AKT1S1: variants seen among roughly 807,000 people sequenced by gnomAD.
AKT1S1 encodes the protein proline-rich AKT1 substrate 1.
In AKT1S1, 17 loss-of-function variants were observed where a neutral mutation model predicts 21.2. The ratio of observed to expected loss-of-function variants is 0.80; its 90% CI spans 0.55 to 1.20. The LOEUF is 1.20. Among genes scored for constraint, AKT1S1 ranks in the 50% most tolerant of loss-of-function variants. The pLI, the probability that AKT1S1 is intolerant of heterozygous loss-of-function variation, is 0.00. For missense variants in AKT1S1, 366 were observed against 368.3 expected (o/e 0.99, Z 0.05); for synonymous variants, 181 against 165.6 (o/e 1.09, Z -0.72).
chr19:49,871,840 G>C lies in AKT1S1; in HGVS notation c.429C>G (p.Phe143Leu). ...CTGTACTCTCGGGGTCTGACTCACA[G>C]AAGGGGGGAAGGTCCTGGAGGGTGG... The part of the protein sequence containing the change: ...EDATLQDLPP[F>L]CESDPESTDD... Residue 143 changes from phenylalanine (F) to leucine (L), a missense_variant, in exon 3 of 5, where the codon TTC becomes TTG. Transcript: ENST00000344175. The C allele has an allele frequency of 6.2e-7, 1 of 1,611,472 alleles. No individual in the cohort carries two copies. The highest frequency in any genetic ancestry group is 8.5e-7 in the Non-Finnish European group (1 of 1,179,276).
chr19:49,870,157 C>T (rs1037968637), intron 4 of AKT1S1, 97 bp from the exon 5 acceptor site: 53 of 1,291,814 alleles, frequency 4.1e-5, no homozygotes, highest in Non-Finnish European at 5.1e-5. Context: ...AAGCCCACTT[C>T]TAGCACGTCC....
At position 49,870,948 on chromosome 19, in the gene AKT1S1, G is replaced by T. The variant is rs1600429520; in HGVS notation, c.627+599C>A. ...GACACTGAGGCTTGAGGGGGGGACT[G>T]TGGGGACCCAGGCCTCCTCCCTCAA... On this transcript the variant is annotated intron_variant, in intron 4 of 4. Transcript: ENST00000344175. Among the ~76,000 whole-genome samples, 8 of 152,284 alleles carry T rather than the reference G, an allele frequency of 5.3e-5. 1 individual carries two copies. The South Asian group carries it at 1.7e-3, about 32-fold the overall frequency.
upstream of AKT1S1, chr19:49,877,845 G>T: frequency 7.1e-7 from 1 of 1,410,504 alleles, no homozygotes; most frequent in Non-Finnish European, 9.7e-7. Context: ...ATCCGGCACG[G>T]CCTTGGCAAA....
chr19:49,874,203 C>CA (rs1446207897), intron 1 of AKT1S1: 2 of 152,374 alleles, frequency 1.3e-5, no homozygotes, highest in Non-Finnish European at 2.9e-5. Flanking sequence ...TTCCCTCGCC[C>CA]ATAGATCCAG....
intron 2 of AKT1S1, among the ~76,000 whole-genome samples, chr19:49,872,673 GCT>G (rs1342447431): frequency 6.6e-6 from 1 of 152,276 alleles, no homozygotes; most frequent in South Asian, 2.1e-4. Context: ...GCCCGAGCCT[GCT>G]CTGTGTCCTT....
intron 1 of AKT1S1, chr19:49,876,708 T>C (rs1600438085): frequency 2.1e-6 from 3 of 1,417,282 alleles, no homozygotes; most frequent in Middle Eastern, 1.8e-4. Context: ...CTCCGCACAC[T>C]CCGCCTCCCT....
chr19:49,877,673 C>A (rs757557410), upstream of AKT1S1: 1 of 1,585,468 alleles, frequency 6.3e-7, no homozygotes, highest in South Asian at 1.1e-5. Context: ...AGTGACAACA[C>A]GCTGACTAGG....
chr19:49,877,208 T>C (rs1486710047), intron 1 of AKT1S1, 29 bp downstream of exon 1: 1 of 162,176 alleles, frequency 6.2e-6, no homozygotes, highest in Non-Finnish European at 1.3e-5. Flanking sequence ...AGTCCCTCAG[T>C]GCCTCTTGTG....
Position 49,869,738 on chromosome 19 carries a change from G to GTGGT in AKT1S1, c.*178_*179insACCA. 1 of 661,806 alleles carries GTGGT rather than the reference G, an allele frequency of 1.5e-6. No homozygotes were observed. 41.0% of individuals were successfully genotyped at this position (661,806 alleles called of 1,614,324 possible). ...GAAACGGGACAGATGCCGCTCCTCG[G>GTGGT]CGCGGCAGGTCGTGGGCTGGAAGGA... is the stretch of plus-strand genomic sequence containing the variant. On this transcript the variant is annotated 3_prime_UTR_variant, in exon 5 of 5. Coordinates refer to ENST00000344175, the MANE Select transcript of AKT1S1 (RefSeq NM_001098633.4).
intron 4 of AKT1S1, 92 bp from the exon 5 acceptor site, chr19:49,870,152 C>A: frequency 2.3e-6 from 3 of 1,297,500 alleles, no homozygotes; most frequent in Non-Finnish European, 2.0e-6. Context: ...GCTCCAAGCC[C>A]ACTTCTAGCA....
intron 1 of AKT1S1, chr19:49,876,360 TA>T: frequency 8.6e-7 from 1 of 1,157,636 alleles, no homozygotes; most frequent in Non-Finnish European, 1.1e-6. Context: ...ACGGCCCAGG[TA>T]GAGATCCCAG....
intron 1 of AKT1S1, chr19:49,876,905 G>C: frequency 2.4e-6 from 1 of 418,706 alleles, no homozygotes; most frequent in Admixed American, 4.3e-5. Flanking sequence ...GCGACCTGAC[G>C]TCCCTGACCC....
At chr19:49,877,374 C>G, upstream of AKT1S1, 1 of 327,654 alleles carries the variant, frequency 3.1e-6, no homozygotes, top group South Asian at 5.5e-5. Context: ...GGCTTCAATT[C>G]CAGTATACAA....
chr19:49,877,963 T>A, upstream of AKT1S1: 1 of 645,236 alleles, frequency 1.5e-6, no homozygotes, highest in South Asian at 2.0e-5. Flanking sequence ...CCCTGCCCCC[T>A]GTGGAACGCA....
rs1463658341 is a variant in AKT1S1, at chr19:49,872,912, C to T, written c.379+5G>A. 3 of 1,597,368 alleles carry T rather than the reference C, an allele frequency of 1.9e-6. No homozygotes were observed. The highest frequency in any genetic ancestry group is 1.7e-4 in the Middle Eastern group (1 of 5,928). On this transcript the variant is annotated splice_donor_5th_base_variant and intron_variant, in intron 2 of 4. Transcript: ENST00000344175. The stretch of plus-strand genomic sequence containing the variant: ...CCGCACCCGCCCCTGCCCCCACCCT[C>T]TCACCTCCATTATCACTAATGCCCA...
intron 1 of AKT1S1, chr19:49,876,770 C>T (rs1214757740): frequency 7.9e-7 from 1 of 1,259,852 alleles, no homozygotes; most frequent in Non-Finnish European, 1.0e-6. Context: ...TCATCCGAAC[C>T]AGTTGACAAG....
chr19:49,877,497 C>G (rs970962758), upstream of AKT1S1: 5 of 543,968 alleles, frequency 9.2e-6, no homozygotes, highest in Admixed American at 1.8e-4. Flanking sequence ...CCTGCGCACT[C>G]TCCGTAGCCG....
At position 49,873,201 on chromosome 19, in the gene AKT1S1, G is replaced by T; in HGVS notation, c.95C>A (p.Thr32Asn). The change falls in exon 2 of 5, where the codon ACC (threonine) becomes AAC (asparagine). Residue 32 changes from threonine (T) to asparagine (N), a missense_variant. Physicochemically the swap from Thr to Asn is moderately conservative, Grantham distance 65. Coordinates refer to ENST00000344175, the MANE Select transcript of AKT1S1 (RefSeq NM_001098633.4). The surrounding 1 kb of genome is among the most constrained non-coding windows in gnomAD (Gnocchi z 6.9). Reference sequence around the variant, plus strand: ...GCGGGGTGGTGGCGGCGGGGCCGCGGTCAGCAGCACCAGCTCCGTGCCAGT... The same window carrying T: ...GCGGGGTGGTGGCGGCGGGGCCGCGTTCAGCAGCACCAGCTCCGTGCCAGT... Reference protein sequence around the residue: ...ARTGTELVLLTAAPPPPPRPG... With the variant: ...ARTGTELVLLNAAPPPPPRPG... 1 of 1,531,732 alleles carries T rather than the reference G, an allele frequency of 6.5e-7. No homozygotes were observed. Among genetic ancestry groups the T allele is most frequent in the East Asian group, 2.5e-5 (1 of 40,452 alleles). The allele number at this position is 1,531,732 out of a possible 1,614,324, so 94.9% of individuals were successfully genotyped here. A position where few individuals can be genotyped will look rare whatever the true frequency, so the allele number is the denominator to read the frequency against.
rs765534190 is a variant in AKT1S1, at chr19:49,871,667, C to T, written c.507G>A (p.Val169=). Residue 169 remains valine, a synonymous_variant, in exon 4 of 5, where the codon GTG becomes GTA. Transcript: ENST00000344175. ...GTGTGGGTAGGGCTGAGGCTGGGGG[C>T]ACTGAGCAGGTGGGGGGGCCGGCGG... is the stretch of plus-strand genomic sequence containing the variant. ...ETPAGPPTCS[V]PPASALPTQQ... The T allele has an allele frequency of 1.2e-6, 2 of 1,613,674 alleles. No individual in the cohort carries two copies. Among genetic ancestry groups the T allele is most frequent in the Non-Finnish European group, 1.7e-6 (2 of 1,179,954 alleles).
Sources: allele counts gnomAD v4.1 joint callset (sites outside exome capture counted in the v4.1 genomes callset), GRCh38; gene constraint gnomAD v4.1.1; non-coding constraint Gnocchi (gnomAD v3.1); transcripts MANE v1.5; gene names NCBI Gene and HGNC (gene_info 2026-07-23, HGNC 2026-07-21).